The following ATG10 variants were observed in gnomAD, a reference collection of about 807,000 sequenced individuals.
The protein encoded by ATG10 is ubiquitin-like-conjugating enzyme ATG10.
In ATG10, 30 loss-of-function variants were observed where a neutral mutation model predicts 32.1. The ratio of observed to expected loss-of-function variants is 0.94; its 90% CI spans 0.70 to 1.27. The LOEUF (loss-of-function observed/expected upper bound fraction) is 1.27. Among genes scored for constraint, ATG10 ranks in the 50% most tolerant of loss-of-function variants. The probability of loss-of-function intolerance (pLI) is 0.00; values close to 1 mark genes in which losing one functional copy is unlikely to be tolerated. For synonymous variants in ATG10, 87 were observed against 91.5 expected (o/e 0.95, Z 0.28); for missense variants, 233 against 262.3 (o/e 0.89, Z 0.77).
chr5:82,226,461 G>A (rs1324759302), intron 5 of ATG10, among the ~76,000 whole-genome samples: 3 of 151,836 alleles, frequency 2.0e-5, no homozygotes, highest in African/African-American at 7.3e-5. Context: ...TGAAGTATTA[G>A]TATTTCAAAC....
chr5:82,009,753 A>G (rs1472067011), intron 2 of ATG10: 15 of 1,605,014 alleles, frequency 9.3e-6, no homozygotes, highest in Non-Finnish European at 1.3e-5. Flanking sequence ...GGCAGTGCAG[A>G]TGAAAAACTG....
intron 3 of ATG10, among the ~76,000 whole-genome samples, chr5:82,084,348 A>G (rs1015526992): frequency 6.6e-6 from 1 of 152,174 alleles, no homozygotes. Flanking sequence ...TACCAAATCT[A>G]CGTCTGATTG....
intron 4 of ATG10, among the ~76,000 whole-genome samples, chr5:82,169,456 G>A (rs1414276201): frequency 3.3e-5 from 5 of 151,836 alleles, no homozygotes; most frequent in Admixed American, 6.6e-5. Flanking sequence ...ATGTATTATT[G>A]CAAGTACGGT....
rs185127369 is a variant in ATG10, at chr5:82,023,661, G to C, written c.109-34834G>C. 2.4e-4 allele frequency among the ~76,000 whole-genome samples: 37 copies of C among 152,244 alleles called. 1 individual carries two copies. Among genetic ancestry groups the C allele is most frequent in the Non-Finnish European group, 1.5e-4 (10 of 68,006 alleles). On this transcript the variant is annotated intron_variant, in intron 2 of 7. Transcript: ENST00000282185. ...CAGATGTTGCACATATGCTTTCACT[G>C]TTTGTTTTTCTTCAAAGTAAAACTT...
chr5:82,138,023 T>C (rs1323362826), intron 3 of ATG10, among the ~76,000 whole-genome samples: 20 of 152,180 alleles, frequency 1.3e-4, no homozygotes, highest in Admixed American at 1.3e-3. Flanking sequence ...TTGTTTATAC[T>C]GTGAGGGGAA....
intron 2 of ATG10, among the ~76,000 whole-genome samples, chr5:81,997,600 A>T (rs1173707600): frequency 6.6e-6 from 1 of 152,252 alleles, no homozygotes; most frequent in Non-Finnish European, 1.5e-5. Context: ...TGAGATTCAG[A>T]AGGAAATTGA....
At chr5:82,184,180 T>C (rs1744357439) in intron 5 of ATG10, among the ~76,000 whole-genome samples, 1 of 152,206 alleles carries the variant, frequency 6.6e-6, no homozygotes, top group Non-Finnish European at 1.5e-5. Context: ...ACTAGCTGCA[T>C]GATCTTGGTT....
At chr5:82,084,157 A>G (rs976560645) in intron 3 of ATG10, among the ~76,000 whole-genome samples, 1 of 152,194 alleles carries the variant, frequency 6.6e-6, no homozygotes, top group Non-Finnish European at 1.5e-5. Context: ...GGACCTGAAA[A>G]CCATGGCACG....
intron 5 of ATG10, among the ~76,000 whole-genome samples, chr5:82,183,830 C>T (rs150911111): frequency 1.3e-5 from 2 of 152,228 alleles, no homozygotes; most frequent in East Asian, 1.9e-4. Context: ...CCAAAGGTAA[C>T]CAAGAACCTT....
chr5:82,080,805 C>T (rs946451224), intron 3 of ATG10, among the ~76,000 whole-genome samples: 1 of 152,194 alleles, frequency 6.6e-6, no homozygotes, highest in Non-Finnish European at 1.5e-5. Context: ...ATGATGCCTT[C>T]AGCTTTGTCC....
At chr5:82,203,628 T>C (rs1334168369) in intron 5 of ATG10, among the ~76,000 whole-genome samples, 1 of 152,200 alleles carries the variant, frequency 6.6e-6, no homozygotes, top group East Asian at 1.9e-4. Flanking sequence ...AATTCCACTC[T>C]AGTTTTTGTC....
intron 3 of ATG10, among the ~76,000 whole-genome samples, chr5:82,080,599 G>A (rs1357389376): frequency 6.6e-6 from 1 of 152,100 alleles, no homozygotes; most frequent in African/African-American, 2.4e-5. Flanking sequence ...AGTTTTCCCA[G>A]CACCATTTAT....
At chr5:82,220,814 T>C (rs938561270) in intron 5 of ATG10, among the ~76,000 whole-genome samples, 6 of 150,606 alleles carry the variant, frequency 4.0e-5, no homozygotes, top group Non-Finnish European at 7.4e-5. Flanking sequence ...CAGGCTGGAG[T>C]ACAGTAGCAT....
At chr5:82,148,805 G>T in intron 3 of ATG10, among the ~76,000 whole-genome samples, 1 of 152,036 alleles carries the variant, frequency 6.6e-6, no homozygotes, top group East Asian at 1.9e-4. Flanking sequence ...GCAAGATATT[G>T]ACCATGGTCT....
chr5:82,063,251 T>C (rs1763839439), intron 3 of ATG10, among the ~76,000 whole-genome samples: 1 of 152,114 alleles, frequency 6.6e-6, no homozygotes, highest in Admixed American at 6.6e-5. Context: ...CCTGGGTGTT[T>C]GAGGTTACAG....
At chr5:81,979,199 C>T (rs866008817) in intron 1 of ATG10, among the ~76,000 whole-genome samples, 3 of 149,680 alleles carry the variant, frequency 2.0e-5, no homozygotes, top group African/African-American at 2.4e-5. Flanking sequence ...GGTGCCTGGT[C>T]TGAATTTTTC....
chr5:82,230,998 A>ATAAACC (rs750333782), intron 5 of ATG10, among the ~76,000 whole-genome samples: 46 of 152,106 alleles, frequency 3.0e-4, no homozygotes, highest in Non-Finnish European at 4.7e-4. Flanking sequence ...TTGAGAAGAA[A>ATAAACC]TAAACCTTTA....
intron 2 of ATG10, among the ~76,000 whole-genome samples, chr5:81,997,115 C>G (rs1482666461): frequency 6.6e-6 from 1 of 152,180 alleles, no homozygotes; most frequent in Non-Finnish European, 1.5e-5. Flanking sequence ...CAGCCCTGCA[C>G]CCTCCAGTCC....
At chr5:82,040,306 T>C (rs1763046658) in intron 2 of ATG10, among the ~76,000 whole-genome samples, 1 of 152,186 alleles carries the variant, frequency 6.6e-6, no homozygotes, top group Non-Finnish European at 1.5e-5. Flanking sequence ...AATACAGCTT[T>C]TGATACATCA....
Sources: allele counts gnomAD v4.1 joint callset (sites outside exome capture counted in the v4.1 genomes callset), GRCh38; gene constraint gnomAD v4.1.1; transcripts MANE v1.5; gene names NCBI Gene and HGNC (gene_info 2026-07-23, HGNC 2026-07-21).